The following MTIF3 variants were observed in gnomAD, a reference collection of about 807,000 sequenced individuals.
MTIF3 encodes translation initiation factor IF-3, mitochondrial.
A neutral mutation model predicts 20.7 loss-of-function variants in MTIF3; 13 were observed. The observed-to-expected ratio is 0.63, with a 90% CI of 0.41 to 1.00. The LOEUF (loss-of-function observed/expected upper bound fraction) is 1.00, where lower values mean the gene tolerates loss of function less well. MTIF3 is among the 50% of genes least tolerant of loss of function. The pLI, the probability that MTIF3 is intolerant of heterozygous loss-of-function variation, is 0.00. For synonymous variants in MTIF3, 114 were observed against 112.5 expected, an observed-to-expected ratio of 1.01 and a Z score of -0.08; for missense variants, 295 against 324.5, an observed-to-expected ratio of 0.91 and a Z score of 0.70.
intron 2 of MTIF3, among the ~76,000 whole-genome samples, chr13:27,442,072 C>G (rs1041251276): frequency 1.3e-5 from 2 of 152,162 alleles, no homozygotes. Flanking sequence ...TAGGGTTAAC[C>G]GCCTACCCAA....
At chr13:27,446,356 C>A (rs2138177926) in intron 1 of MTIF3, among the ~76,000 whole-genome samples, 1 of 152,334 alleles carries the variant, frequency 6.6e-6, no homozygotes, top group East Asian at 1.9e-4. Flanking sequence ...CGGCACCCGC[C>A]TGTTAATTTT....
Position 27,440,125 on chromosome 13 carries a change from A to C in MTIF3, c.324T>G (p.Leu108=), listed in dbSNP as rs780210567. 12 of 1,614,182 alleles carry C rather than the reference A, an allele frequency of 7.4e-6. No individual in the cohort carries two copies. Among genetic ancestry groups the C allele is most frequent in the Non-Finnish European group, 1.0e-5 (12 of 1,180,040 alleles). ...CCAGTCGCAGGTCTCGCTCATCCAT[A>C]AGTCTAATCACATTTGCTCGGTGCA... The part of the protein sequence containing the change: ...GNMHRANVIR[L]MDERDLRLVQ... Residue 108 remains leucine, a synonymous_variant, in exon 3 of 5, where the codon CTT becomes CTG. Coordinates refer to ENST00000381120, the MANE Select transcript of MTIF3 (RefSeq NM_152912.5).
intron 2 of MTIF3, among the ~76,000 whole-genome samples, chr13:27,442,248 CTT>C (rs1023434396): frequency 4.2e-4 from 64 of 152,308 alleles, no homozygotes; most frequent in African/African-American, 1.3e-3. Flanking sequence ...ATCCTTGACT[CTT>C]TATTTTCTCT....
At position 27,435,870 on chromosome 13, in the gene MTIF3, G is replaced by T; in HGVS notation, c.642C>A (p.Leu214=). The T allele has an allele frequency of 6.2e-7, 1 of 1,613,192 alleles. No homozygotes were observed. Among genetic ancestry groups the T allele is most frequent in the Non-Finnish European group, 8.5e-7 (1 of 1,179,772 alleles). The stretch of plus-strand genomic sequence containing the variant: ...ATGTAGCTATTCCAGGCATAGTCTG[G>T]AGTATTTGATGAAATATCTCCTCCT... ...NEMEEIFHQI[L]QTMPGIATFS... Residue 214 remains leucine, a synonymous_variant, in exon 5 of 5, where the codon CTC becomes CTA. Coordinates refer to ENST00000381120, the MANE Select transcript of MTIF3 (RefSeq NM_152912.5).
rs772052797 is a variant in MTIF3 at position 27,435,762 on chromosome 13, T to A, written c.750A>T (p.Ala250=). ...CCTGGGTCTCTTGAGTTTCTTTATA[T>A]GCCTTCTCCTCATTTTTGCTGAAAG... ...LRAFSKNEEK[A]YKETQETQER... is the part of the protein sequence containing the mutation. Residue 250 remains alanine (A), a synonymous_variant, in exon 5 of 5, where the codon GCA becomes GCT. Coordinates refer to ENST00000381120, the MANE Select transcript of MTIF3 (RefSeq NM_152912.5). The A allele has an allele frequency of 5.6e-6, 9 of 1,614,062 alleles. No homozygotes were observed. The Admixed American group carries it at 8.3e-5, about 15-fold the overall frequency.
At chr13:27,436,745 A>ATTTTTTTTTTTTTT (rs66903644) in intron 4 of MTIF3, among the ~76,000 whole-genome samples, 1 of 90,192 alleles carries the variant, frequency 1.1e-5, no homozygotes. Context: ...ATTTTCTACA[A>ATTTTTTTTTTTTTT]TTTTTTTTTT....
intron 2 of MTIF3, among the ~76,000 whole-genome samples, chr13:27,440,724 CTTT>C (rs55860722): frequency 1.4e-5 from 2 of 147,786 alleles, no homozygotes; most frequent in East Asian, 2.0e-4. Context: ...TTTGGTTTCA[CTTT>C]TTTTTTTTTT....
chr13:27,446,791 GT>G (rs945282521), intron 1 of MTIF3, among the ~76,000 whole-genome samples: 1 of 151,854 alleles, frequency 6.6e-6, no homozygotes, highest in African/African-American at 2.4e-5. Flanking sequence ...TCTTCATTTA[GT>G]TTTCCTTAAA....
At position 27,439,974 on chromosome 13, in the gene MTIF3, C is replaced by A. The variant is rs2138099226; in HGVS notation, c.460+15G>T. 1 of 1,607,144 alleles carries A rather than the reference C, an allele frequency of 6.2e-7. No homozygotes were observed. The highest frequency in any genetic ancestry group is 8.5e-7 in the Non-Finnish European group (1 of 1,174,344). On this transcript the variant is annotated intron_variant, in intron 3 of 4. Transcript: ENST00000381120. Reference sequence around the variant, plus strand: ...GCTCTTAAAGGATTCAGGGAGCCAACAGCAAAATACCTACCAGTTTTGGGG... The same window carrying A: ...GCTCTTAAAGGATTCAGGGAGCCAAAAGCAAAATACCTACCAGTTTTGGGG...
chr13:27,438,492 T>TTG (rs1555259843), intron 3 of MTIF3, among the ~76,000 whole-genome samples: 10 of 48,388 alleles, frequency 2.1e-4, no homozygotes, highest in African/African-American at 5.2e-4. Context: ...TGTTTTTTTT[T>TTG]TTTTTTTTTT....
At chr13:27,437,342 G>A in intron 3 of MTIF3, 69 bp from the exon 4 acceptor site, 1 of 1,407,270 alleles carries the variant, frequency 7.1e-7, no homozygotes, top group South Asian at 1.4e-5. Context: ...TTCCCAACAT[G>A]CCCATCATAA....
chr13:27,439,222 G>A (rs560439106), intron 3 of MTIF3, among the ~76,000 whole-genome samples: 151 of 152,284 alleles, frequency 9.9e-4, no homozygotes, highest in African/African-American at 3.5e-3. Context: ...CAGGCTAGGC[G>A]CAGTGGATCA....
intron 2 of MTIF3, among the ~76,000 whole-genome samples, chr13:27,441,638 A>G (rs1593193924): frequency 6.6e-6 from 1 of 152,352 alleles, no homozygotes; most frequent in East Asian, 1.9e-4. Flanking sequence ...CTGTCCTTCC[A>G]TTCATGTATT....
At chr13:27,444,192 G>GCTACT (rs1954096825) in intron 2 of MTIF3, among the ~76,000 whole-genome samples, 1 of 152,142 alleles carries the variant, frequency 6.6e-6, no homozygotes, top group Admixed American at 6.5e-5. Context: ...TGTAGTCCCG[G>GCTACT]CTACTCGGGA....
intron 2 of MTIF3, among the ~76,000 whole-genome samples, chr13:27,444,738 A>G (rs149257402): frequency 1.8e-3 from 276 of 152,334 alleles, no homozygotes; most frequent in African/African-American, 6.0e-3. Flanking sequence ...TTCAGGAAAT[A>G]GTATGTATCT....
chr13:27,441,026 G>C (rs2138115898), intron 2 of MTIF3: 1 of 163,272 alleles, frequency 6.1e-6, no homozygotes, highest in East Asian at 1.8e-4. Flanking sequence ...CTATTAAGTG[G>C]AAGTGGATCA....
chr13:27,445,945 GA>G (rs544903588), intron 1 of MTIF3, among the ~76,000 whole-genome samples: 1 of 147,956 alleles, frequency 6.8e-6, no homozygotes, highest in African/African-American at 2.5e-5. Flanking sequence ...ATTCTTGAGT[GA>G]AAAAAAAAAT....
intron 3 of MTIF3, among the ~76,000 whole-genome samples, chr13:27,439,101 C>A (rs1323697458): frequency 6.6e-6 from 1 of 152,216 alleles, no homozygotes; most frequent in Non-Finnish European, 1.5e-5. Context: ...ATGACAAGTG[C>A]CTCGTCAAGT....
rs749208192 is a variant in MTIF3 at position 27,437,238 on chromosome 13, T to C, written c.496A>G (p.Asn166Asp). Residue 166 changes from asparagine to aspartate, a missense_variant, in exon 4 of 5, where the codon AAT becomes GAT. Coordinates refer to ENST00000381120, the MANE Select transcript of MTIF3 (RefSeq NM_152912.5). ...GTGTCCAAATCATGTTGTCCAATAT[T>C]TGAAGACAAAATCAGTTCCTTTCTC... ...TLRKELILSS[N>D]IGQHDLDTKT... The C allele has an allele frequency of 1.2e-6, 2 of 1,613,810 alleles. No individual in the cohort carries two copies. Among genetic ancestry groups the C allele is most frequent in the African/African-American group, 2.7e-5 (2 of 74,924 alleles).
Sources: allele counts gnomAD v4.1 joint callset (sites outside exome capture counted in the v4.1 genomes callset), GRCh38; gene constraint gnomAD v4.1.1; transcripts MANE v1.5; gene names NCBI Gene and HGNC (gene_info 2026-07-23, HGNC 2026-07-21).